The following QTMAN variants were observed in gnomAD, a reference collection of about 807,000 sequenced individuals.
QTMAN encodes the protein tRNA-queuosine alpha-mannosyltransferase.
chr2:144,331,377 C>T, the QTMAN span, among the ~76,000 whole-genome samples: 1 of 151,848 alleles, frequency 6.6e-6, no homozygotes, highest in African/African-American at 2.4e-5. Context: ...TTTACCTAAC[C>T]ACTATTTTAA....
the QTMAN span, among the ~76,000 whole-genome samples, chr2:144,142,868 T>C: frequency 1.6e-4 from 24 of 152,096 alleles, no homozygotes; most frequent in East Asian, 4.6e-3. Context: ...GGTTCAAACT[T>C]AAGATTTTTT....
At chr2:144,332,813 G>T in the QTMAN span, among the ~76,000 whole-genome samples, 1 of 152,062 alleles carries the variant, frequency 6.6e-6, no homozygotes, top group East Asian at 1.9e-4. Context: ...CACCCTGTCC[G>T]CCCTTTCAGC....
At chr2:144,218,885 C>T in the QTMAN span, among the ~76,000 whole-genome samples, 1 of 111,634 alleles carries the variant, frequency 9.0e-6, no homozygotes, top group African/African-American at 3.4e-5. Flanking sequence ...TCTCACAATT[C>T]AATTTGATTT....
the QTMAN span, among the ~76,000 whole-genome samples, chr2:144,151,281 G>A: frequency 4.2e-4 from 64 of 152,140 alleles, no homozygotes; most frequent in South Asian, 0.013. Flanking sequence ...TACGCTTCAT[G>A]ATATGGTAAG....
the QTMAN span, among the ~76,000 whole-genome samples, chr2:144,284,863 T>C: frequency 6.6e-6 from 1 of 151,476 alleles, no homozygotes; most frequent in Admixed American, 6.6e-5. Context: ...CAAGACCTCA[T>C]CTCTATAAAA....
At chr2:144,303,783 T>C in the QTMAN span, among the ~76,000 whole-genome samples, 1 of 152,122 alleles carries the variant, frequency 6.6e-6, no homozygotes, top group African/African-American at 2.4e-5. Context: ...TTTCAGACAG[T>C]AGACAATAAT....
the QTMAN span, among the ~76,000 whole-genome samples, chr2:144,258,425 T>C: frequency 6.6e-6 from 1 of 152,186 alleles, no homozygotes; most frequent in Non-Finnish European, 1.5e-5. Context: ...AACATAAACA[T>C]GAATTCCTTA....
the QTMAN span, among the ~76,000 whole-genome samples, chr2:144,122,351 A>G: frequency 6.6e-6 from 1 of 152,224 alleles, no homozygotes; most frequent in Non-Finnish European, 1.5e-5. Context: ...ACATTAGAAG[A>G]AAAAGTATTG....
chr2:144,172,961 G>A, the QTMAN span, among the ~76,000 whole-genome samples: 1 of 151,694 alleles, frequency 6.6e-6, no homozygotes, highest in South Asian at 2.1e-4. Context: ...ATCTTCTTGT[G>A]TTTTTTTTCT....
chr2:144,028,420 A>G, the QTMAN span, among the ~76,000 whole-genome samples: 3 of 152,214 alleles, frequency 2.0e-5, no homozygotes, highest in Non-Finnish European at 4.4e-5. Context: ...CAAACTCTCA[A>G]CCTATAGATG....
chr2:144,174,619 G>A, the QTMAN span, among the ~76,000 whole-genome samples: 12 of 152,126 alleles, frequency 7.9e-5, no homozygotes, highest in Admixed American at 7.9e-4. Flanking sequence ...TGTTGTGGGA[G>A]GGACCCAGTG....
At chr2:144,304,205 AAAG>A in the QTMAN span, among the ~76,000 whole-genome samples, 2 of 152,206 alleles carry the variant, frequency 1.3e-5, no homozygotes, top group Non-Finnish European at 2.9e-5. Context: ...AGCAGAGGAT[AAAG>A]AAGAATCACA....
At chr2:144,321,762 C>T in the QTMAN span, among the ~76,000 whole-genome samples, 8 of 151,962 alleles carry the variant, frequency 5.3e-5, no homozygotes, top group South Asian at 8.3e-4. Flanking sequence ...ACTACCACAC[C>T]GGGCTAATTT....
chr2:144,207,774 T>G, the QTMAN span, among the ~76,000 whole-genome samples: 1 of 152,124 alleles, frequency 6.6e-6, no homozygotes, highest in African/African-American at 2.4e-5. Context: ...ACCTGTTCCC[T>G]CAGTAAAAAT....
the QTMAN span, among the ~76,000 whole-genome samples, chr2:144,020,969 A>T: frequency 6.6e-6 from 1 of 152,038 alleles, no homozygotes; most frequent in African/African-American, 2.4e-5. Context: ...ATCTTGTAGA[A>T]AGCAGAACAA....
At chr2:144,304,715 G>C in the QTMAN span, among the ~76,000 whole-genome samples, 2 of 152,134 alleles carry the variant, frequency 1.3e-5, no homozygotes, top group South Asian at 4.1e-4. Context: ...AAAGTGCTGG[G>C]ATTACAGAAG....
chr2:144,184,822 A>G, the QTMAN span, among the ~76,000 whole-genome samples: 2 of 152,268 alleles, frequency 1.3e-5, no homozygotes, highest in African/African-American at 4.8e-5. Flanking sequence ...AACTCCATAT[A>G]CCTATATAGT....
chr2:144,252,381 T>C, the QTMAN span, among the ~76,000 whole-genome samples: 1 of 151,848 alleles, frequency 6.6e-6, no homozygotes, highest in Non-Finnish European at 1.5e-5. Flanking sequence ...CCTGTGTCTT[T>C]TAAAATAAAA....
At chr2:144,005,104 A>G in the QTMAN span, among the ~76,000 whole-genome samples, 1 of 152,020 alleles carries the variant, frequency 6.6e-6, no homozygotes, top group Non-Finnish European at 1.5e-5. Flanking sequence ...GGTAATGGCA[A>G]ACAAACAGCT....
Sources: gnomAD v4.1 joint callset for allele counts (sites outside exome capture counted in the v4.1 genomes callset) on GRCh38, gnomAD v4.1.1 for gene constraint, MANE v1.5 for transcripts, NCBI Gene and HGNC (gene_info 2026-07-23, HGNC 2026-07-21) for gene names.